RIN2: variants seen among roughly 807,000 people sequenced by gnomAD.
RIN2 encodes the protein RAB5 interacting protein 2.
A neutral mutation model predicts 78.0 loss-of-function variants in RIN2; 36 were observed. That is an observed-to-expected ratio of 0.46 (90% CI 0.35 to 0.61). The LOEUF (loss-of-function observed/expected upper bound fraction) is 0.61. Among genes scored for constraint, RIN2 ranks in the 20% least tolerant of loss-of-function variants. RIN2 has a pLI of 0.00. For synonymous variants in RIN2, 466 were observed against 466.8 expected (o/e 1.00, Z 0.02); for missense variants, 1,087 against 1,159.7 (o/e 0.94, Z 0.91).
chr20:19,911,056 AT>A (rs11476686), intron 3 of RIN2, among the ~76,000 whole-genome samples: 41,197 of 148,990 alleles, frequency 0.28, 6,985 homozygotes, highest in East Asian at 0.54. Context: ...AAATATGTAA[AT>A]TTTTTTTTTT....
In RIN2 at chr20:20,001,386, T is replaced by TTTTTTTTTTTTTC. The variant is rs2043140155; in HGVS notation, c.*452_*453insTTTTTTTTTTCTT. On this transcript the variant is annotated 3_prime_UTR_variant, in exon 13 of 13. Transcript: ENST00000255006. ...CCTTTTTTTTTTTTTTTTTTTTTTT[T>TTTTTTTTTTTTTC]TTACAAAGAGCCTTCATGTTTTTAT... The TTTTTTTTTTTTTC allele has an allele frequency of 1.5e-5, 2 of 136,262 alleles. No homozygotes were observed. Among genetic ancestry groups the TTTTTTTTTTTTTC allele is most frequent in the Non-Finnish European group, 3.1e-5 (2 of 64,906 alleles). The allele number at this position is 136,262 out of a possible 1,614,324, so 8.4% of individuals were successfully genotyped here. A position where few individuals can be genotyped will look rare whatever the true frequency, so the allele number is the denominator to read the frequency against.
intron 4 of RIN2, among the ~76,000 whole-genome samples, chr20:19,937,423 G>A (rs975114276): frequency 5.9e-5 from 9 of 152,260 alleles, no homozygotes; most frequent in African/African-American, 1.2e-4. Context: ...CTGCAGCTTC[G>A]TACTCTGTGA....
rs143412768 is a variant in RIN2, at chr20:19,888,636, G to A, written c.-36-930G>A. 1.3e-3 allele frequency among the ~76,000 whole-genome samples: 198 copies of A among 152,330 alleles called. 2 individuals carry two copies. Among genetic ancestry groups the A allele is most frequent in the African/African-American group, 4.5e-3 (187 of 41,580 alleles). ...TCACGGTTGGCATGAGCTACCTCCT[G>A]TGCATGTTATGGCGAGAAGGGATGA... is the stretch of plus-strand genomic sequence containing the variant. On this transcript the variant is annotated intron_variant, in intron 2 of 12. Transcript: ENST00000255006.
At chr20:19,966,415 T>C (rs1283238113) in intron 7 of RIN2, among the ~76,000 whole-genome samples, 1 of 151,380 alleles carries the variant, frequency 6.6e-6, no homozygotes, top group Non-Finnish European at 1.5e-5. Context: ...CTCCACCTCC[T>C]TGGGTTCAAG....
intron 2 of RIN2, among the ~76,000 whole-genome samples, chr20:19,819,015 T>C (rs1374294598): frequency 1.3e-5 from 2 of 152,228 alleles, no homozygotes; most frequent in African/African-American, 4.8e-5. Context: ...GATCCCTTCA[T>C]GTAAAAATGT....
chr20:19,956,295 A>C (rs1208612094), intron 4 of RIN2, among the ~76,000 whole-genome samples: 1 of 151,966 alleles, frequency 6.6e-6, no homozygotes, highest in African/African-American at 2.4e-5. Context: ...AAAAGAAAAA[A>C]AGAAATGTTT....
chr20:19,933,142 C>T (rs2040501499), intron 3 of RIN2, among the ~76,000 whole-genome samples: 1 of 152,340 alleles, frequency 6.6e-6, no homozygotes, highest in South Asian at 2.1e-4. Context: ...TCTCATCTTG[C>T]CCTTTCCAAC....
At chr20:19,765,693 T>C (rs974861611) in intron 1 of RIN2, among the ~76,000 whole-genome samples, 1 of 151,566 alleles carries the variant, frequency 6.6e-6, no homozygotes, top group Non-Finnish European at 1.5e-5. Context: ...TTCTCCTTGA[T>C]AATTTAGGGA....
intron 2 of RIN2, among the ~76,000 whole-genome samples, chr20:19,802,186 A>T (rs2035261891): frequency 6.6e-6 from 1 of 152,172 alleles, no homozygotes; most frequent in Admixed American, 6.5e-5. Flanking sequence ...AGATGGGAAA[A>T]CTGAGTCTCA....
intron 1 of RIN2, among the ~76,000 whole-genome samples, chr20:19,777,788 G>A (rs776682396): frequency 1.3e-5 from 2 of 152,212 alleles, no homozygotes; most frequent in African/African-American, 2.4e-5. Flanking sequence ...AAACACTGGC[G>A]TGGAGCAAAG....
intron 1 of RIN2, among the ~76,000 whole-genome samples, chr20:19,771,983 A>G (rs1465278836): frequency 6.6e-6 from 1 of 152,052 alleles, no homozygotes; most frequent in Non-Finnish European, 1.5e-5. Context: ...CCCAAACACT[A>G]CCAAGCCACC....
At chr20:19,939,825 T>C (rs199547) in intron 4 of RIN2, among the ~76,000 whole-genome samples, 2,441 of 151,076 alleles carry the variant, frequency 0.016, 60 homozygotes, top group African/African-American at 0.057. Context: ...AGGACATATA[T>C]TCACTTGCTT....
At chr20:19,809,785 T>G (rs1292594113) in intron 2 of RIN2, 1 of 151,568 alleles carries the variant, frequency 6.6e-6, no homozygotes, top group Non-Finnish European at 1.5e-5. Flanking sequence ...GCCTGGACCT[T>G]GAGCAGAGAC....
chr20:19,758,546 A>AG (rs1165581896), intron 1 of RIN2, among the ~76,000 whole-genome samples: 1 of 152,028 alleles, frequency 6.6e-6, no homozygotes. Context: ...AGTGGGGACA[A>AG]GGGGCAGAGT....
intron 1 of RIN2, among the ~76,000 whole-genome samples, chr20:19,760,318 C>G (rs1020125567): frequency 6.6e-6 from 1 of 152,182 alleles, no homozygotes; most frequent in African/African-American, 2.4e-5. Context: ...CGGGGAAAAC[C>G]AACCTGCTAT....
rs2038198387 is a variant in RIN2 at position 19,886,529 on chromosome 20, G to T, written c.-36-3037G>T. The T allele has an allele frequency of 8.6e-6, 5 of 581,570 alleles. No individual in the cohort carries two copies. In the South Asian group the frequency reaches 1.2e-4, roughly 14 times the overall value. The allele number at this position is 581,570 out of a possible 1,614,324, so 36.0% of individuals were successfully genotyped here. On this transcript the variant is annotated intron_variant, in intron 2 of 12. Transcript: ENST00000255006. ...CCAGCTCCGTTTACATTCTTTCAGT[G>T]GTGTTGTTGAAAGGGCTTGGCAGCT...
At chr20:19,909,507 A>G (rs2039368709) in intron 3 of RIN2, among the ~76,000 whole-genome samples, 1 of 151,894 alleles carries the variant, frequency 6.6e-6, no homozygotes. Flanking sequence ...CGAGATGAGC[A>G]TTTGTGTGCT....
chr20:19,904,888 C>T (rs376618160), intron 3 of RIN2, among the ~76,000 whole-genome samples: 6 of 152,254 alleles, frequency 3.9e-5, no homozygotes, highest in African/African-American at 1.4e-4. Context: ...TCCCCATCAG[C>T]ACAACTTGAA....
chr20:19,998,470 G>A (rs931274747), intron 12 of RIN2, among the ~76,000 whole-genome samples: 1 of 152,054 alleles, frequency 6.6e-6, no homozygotes, highest in South Asian at 2.1e-4. Context: ...AGTTAGGTAG[G>A]CGTAGTGGTG....
Sources: allele counts gnomAD v4.1 joint callset (sites outside exome capture counted in the v4.1 genomes callset), GRCh38; gene constraint gnomAD v4.1.1; transcripts MANE v1.5; gene names NCBI Gene and HGNC (gene_info 2026-07-23, HGNC 2026-07-21).